The following RANBP2 variants were observed in gnomAD, a reference collection of about 807,000 sequenced individuals.
The protein encoded by RANBP2 is E3 SUMO-protein ligase RanBP2.
A neutral mutation model predicts 303.6 loss-of-function variants in RANBP2; 57 were observed. That is an observed-to-expected ratio of 0.19 (90% CI 0.15 to 0.23). The LOEUF is 0.23. Ranked by LOEUF, RANBP2 falls within the 10% of genes least tolerant of loss-of-function variation. The probability of loss-of-function intolerance (pLI) is 1.00; values close to 1 mark genes in which losing one functional copy is unlikely to be tolerated. For synonymous variants in RANBP2, 1,167 were observed against 1,301.5 expected (o/e 0.90, Z 2.23); for missense variants, 3,138 against 3,780.8 (o/e 0.83, Z 4.46).
At chr2:109,663,913 C>T in the RANBP2 span, among the ~76,000 whole-genome samples, 2 of 152,204 alleles carry the variant, frequency 1.3e-5, no homozygotes, top group Admixed American at 1.3e-4. Context: ...AGACCAGTGC[C>T]TCCCAAATGT....
chr2:109,179,003 A>ATGTGTGTGTG, the RANBP2 span, among the ~76,000 whole-genome samples: 8,233 of 141,960 alleles, frequency 0.058, 304 homozygotes, highest in African/African-American at 0.089. Flanking sequence ...AAGTATAATA[A>ATGTGTGTGTG]TGTGTGTGTG....
chr2:108,796,158 C>T, the RANBP2 span, among the ~76,000 whole-genome samples: 1 of 152,150 alleles, frequency 6.6e-6, no homozygotes, highest in African/African-American at 2.4e-5. Flanking sequence ...ATGCCATTCT[C>T]CTGCCTCAGC....
chr2:109,282,498 C>T, the RANBP2 span, among the ~76,000 whole-genome samples: 5 of 152,148 alleles, frequency 3.3e-5, no homozygotes, highest in South Asian at 2.1e-4. Context: ...ACCAAGACGC[C>T]GGCCTGCCCT....
the RANBP2 span, among the ~76,000 whole-genome samples, chr2:109,031,712 A>C: frequency 6.6e-6 from 1 of 152,140 alleles, no homozygotes; most frequent in Middle Eastern, 3.2e-3. Flanking sequence ...TGCCGGTGGC[A>C]ACCTGGACGC....
the RANBP2 span, among the ~76,000 whole-genome samples, chr2:109,443,795 A>T: frequency 6.6e-6 from 1 of 152,256 alleles, no homozygotes; most frequent in South Asian, 2.1e-4. Flanking sequence ...ATCTACAATT[A>T]TGGTCAGAGA....
At chr2:109,036,228 C>T in the RANBP2 span, among the ~76,000 whole-genome samples, 3 of 152,212 alleles carry the variant, frequency 2.0e-5, no homozygotes, top group East Asian at 1.9e-4. Context: ...TATAAGCAAA[C>T]GGCTCACAAA....
chr2:109,324,794 T>G, the RANBP2 span, among the ~76,000 whole-genome samples: 1 of 152,168 alleles, frequency 6.6e-6, no homozygotes. Flanking sequence ...AGAGACCAAC[T>G]ATGAATCTGC....
the RANBP2 span, among the ~76,000 whole-genome samples, chr2:109,535,587 T>C: frequency 6.6e-6 from 1 of 152,220 alleles, no homozygotes; most frequent in Non-Finnish European, 1.5e-5. Context: ...TGGGTGATGC[T>C]ACCTGTAGGG....
chr2:108,956,333 T>C, the RANBP2 span, among the ~76,000 whole-genome samples: 225 of 152,358 alleles, frequency 1.5e-3, 1 homozygote, highest in African/African-American at 5.3e-3. Flanking sequence ...AGTGTTATGA[T>C]GCCTGTAGAG....
At chr2:108,939,210 C>T in the RANBP2 span, among the ~76,000 whole-genome samples, 1 of 152,158 alleles carries the variant, frequency 6.6e-6, no homozygotes, top group Non-Finnish European at 1.5e-5. Context: ...TGGAGTCTTG[C>T]TCTGTCACCC....
chr2:109,246,378 G>A, the RANBP2 span, among the ~76,000 whole-genome samples: 1,112 of 152,270 alleles, frequency 7.3e-3, 8 homozygotes, highest in South Asian at 0.024. Flanking sequence ...GCAACTCTCC[G>A]AGGCCTCTTT....
the RANBP2 span, among the ~76,000 whole-genome samples, chr2:109,109,918 C>T: frequency 7.0e-4 from 106 of 152,170 alleles, 1 homozygote; most frequent in South Asian, 7.1e-3. Flanking sequence ...AAATTGAGCA[C>T]GCACCCCCCA....
At chr2:109,188,469 C>T in the RANBP2 span, among the ~76,000 whole-genome samples, 5 of 152,194 alleles carry the variant, frequency 3.3e-5, no homozygotes, top group Non-Finnish European at 5.9e-5. Flanking sequence ...GCATTGTTTC[C>T]CCCTGGGGTT....
At chr2:109,388,533 C>T in the RANBP2 span, among the ~76,000 whole-genome samples, 1 of 152,228 alleles carries the variant, frequency 6.6e-6, no homozygotes, top group African/African-American at 2.4e-5. Flanking sequence ...ATGTGAGTTA[C>T]AGCTCTGTAG....
At chr2:108,905,385 G>A in the RANBP2 span, among the ~76,000 whole-genome samples, 12 of 152,326 alleles carry the variant, frequency 7.9e-5, no homozygotes, top group South Asian at 2.1e-4. Context: ...TGGGGCATGC[G>A]TTTATGGAGA....
At chr2:108,897,300 T>A in the RANBP2 span, 2 of 1,390,120 alleles carry the variant, frequency 1.4e-6, no homozygotes, top group Admixed American at 2.0e-5. Context: ...TGAAAAATTA[T>A]TTAAATGAAA....
At chr2:109,093,476 T>C in the RANBP2 span, among the ~76,000 whole-genome samples, 1 of 151,820 alleles carries the variant, frequency 6.6e-6, no homozygotes, top group African/African-American at 2.4e-5. Context: ...ACCATCACTT[T>C]GAGACACCTT....
chr2:109,134,488 A>G, the RANBP2 span, among the ~76,000 whole-genome samples: 2 of 152,268 alleles, frequency 1.3e-5, no homozygotes, highest in African/African-American at 4.8e-5. Context: ...AATCTAAATT[A>G]TTATTTATTG....
At chr2:109,467,504 G>A in the RANBP2 span, among the ~76,000 whole-genome samples, 1 of 152,316 alleles carries the variant, frequency 6.6e-6, no homozygotes, top group South Asian at 2.1e-4. Flanking sequence ...CAGCAGGACT[G>A]GGGGGCTTGG....
Sources: gnomAD v4.1 joint callset for allele counts (sites outside exome capture counted in the v4.1 genomes callset) on GRCh38, gnomAD v4.1.1 for gene constraint, MANE v1.5 for transcripts, NCBI Gene and HGNC (gene_info 2026-07-23, HGNC 2026-07-21) for gene names.